The following PTPRU variants were observed in gnomAD, a reference collection of about 807,000 sequenced individuals.
PTPRU encodes the protein receptor-type tyrosine-protein phosphatase U.
Under a neutral mutation model 166.3 loss-of-function variants are expected in PTPRU, and 69 were observed. The observed-to-expected ratio is 0.41, with a 90% CI of 0.34 to 0.51. The LOEUF (loss-of-function observed/expected upper bound fraction) is 0.51, where lower values mean the gene tolerates loss of function less well. Among genes scored for constraint, PTPRU ranks in the 20% least tolerant of loss-of-function variants. PTPRU has a pLI of 0.09. For synonymous variants in PTPRU, 793 were observed against 814.0 expected, an observed-to-expected ratio of 0.97 and a Z score of 0.44; for missense variants, 1,657 against 2,013.7, an observed-to-expected ratio of 0.82 and a Z score of 3.39.
At chr1:29,318,519 C>T (rs933149224) in intron 25 of PTPRU, among the ~76,000 whole-genome samples, 2 of 152,198 alleles carry the variant, frequency 1.3e-5, no homozygotes, top group Non-Finnish European at 2.9e-5. Flanking sequence ...CTGTCTGAGG[C>T]GGGAAGGGTC....
chr1:29,301,978 T>C (rs1342997772), intron 15 of PTPRU, among the ~76,000 whole-genome samples: 2 of 152,194 alleles, frequency 1.3e-5, no homozygotes, highest in Non-Finnish European at 1.5e-5. Flanking sequence ...TAATCCAGTC[T>C]ATCACTGATG....
intron 14 of PTPRU, among the ~76,000 whole-genome samples, chr1:29,286,798 C>T (rs1686371074): frequency 1.3e-5 from 2 of 152,108 alleles, no homozygotes; most frequent in Admixed American, 1.3e-4. Context: ...ACTGGGAAAC[C>T]TTCCATTATG....
chr1:29,298,141 C>T (rs551841778), intron 15 of PTPRU, among the ~76,000 whole-genome samples: 7 of 152,110 alleles, frequency 4.6e-5, no homozygotes, highest in Non-Finnish European at 8.8e-5. Context: ...ACCTGTAATC[C>T]CAGCTACTTG....
chr1:29,274,653 A>T (rs988870625), intron 7 of PTPRU, among the ~76,000 whole-genome samples: 1 of 152,202 alleles, frequency 6.6e-6, no homozygotes, highest in Non-Finnish European at 1.5e-5. Context: ...TTTCAGAACA[A>T]GTTTGGAATT....
At chr1:29,307,013 C>A in intron 18 of PTPRU, 2 of 1,201,134 alleles carry the variant, frequency 1.7e-6, no homozygotes, top group Non-Finnish European at 2.4e-6. Flanking sequence ...TCCGCTCTGC[C>A]TGCCCTGCTC....
Position 29,279,686 on chromosome 1 carries a change from C to G in PTPRU, c.1765+29C>G, listed in dbSNP as rs549988216. On this transcript the variant is annotated intron_variant, in intron 10 of 29. Coordinates refer to ENST00000373779, the MANE Select transcript of PTPRU (RefSeq NM_133178.4). This position sits in a 1 kb window ranked among gnomAD's most constrained non-coding sequence, Gnocchi z 5.2. ...AGCCCCACCTGACCCGGCCCAGCCTCTTCGGAGGTGGCCCAGAATCCCAGG... is the reference window on the plus strand; with the variant it reads ...AGCCCCACCTGACCCGGCCCAGCCTGTTCGGAGGTGGCCCAGAATCCCAGG... 1.2e-6 allele frequency: 2 copies of G among 1,602,616 alleles called. No homozygotes were observed. The highest frequency in any genetic ancestry group is 2.7e-5 in the African/African-American group (2 of 74,926).
chr1:29,243,702 G>A (rs1275660218), intron 1 of PTPRU, among the ~76,000 whole-genome samples: 1 of 152,238 alleles, frequency 6.6e-6, no homozygotes, highest in Admixed American at 6.5e-5. Flanking sequence ...TAGGCTGGGA[G>A]CCCCCAGGGG....
At chr1:29,314,739 G>A (rs970233324) in intron 22 of PTPRU, among the ~76,000 whole-genome samples, 1 of 151,972 alleles carries the variant, frequency 6.6e-6, no homozygotes, top group African/African-American at 2.4e-5. Flanking sequence ...CACCACACCC[G>A]GCTATTTTTT....
intron 15 of PTPRU, 148 bp downstream of exon 15, chr1:29,292,174 G>A: frequency 9.1e-7 from 1 of 1,098,326 alleles, no homozygotes; most frequent in Admixed American, 2.8e-5. Flanking sequence ...TCTGGATATA[G>A]AGCCAGCACA....
Position 29,237,783 on chromosome 1 carries a change from G to C in PTPRU, c.73+1066G>C, listed in dbSNP as rs1683841445. 1.4e-5 allele frequency among the ~76,000 whole-genome samples: 2 copies of C among 147,196 alleles called. No individual in the cohort carries two copies. Among genetic ancestry groups the C allele is most frequent in the Non-Finnish European group, 3.0e-5 (2 of 66,248 alleles). ...CCGGGGCTGCGGGGCGCCCGGGCCA[G>C]CGGGCCCCAGCGAGGGGCCGGCGGG... On this transcript the variant is annotated intron_variant, in intron 1 of 29. Coordinates refer to ENST00000373779, the MANE Select transcript of PTPRU (RefSeq NM_133178.4). The surrounding 1 kb of genome is among the most constrained non-coding windows in gnomAD (Gnocchi z 6.4).
chr1:29,240,084 C>A (rs112862689), intron 1 of PTPRU, among the ~76,000 whole-genome samples: 4,161 of 152,274 alleles, frequency 0.027, 95 homozygotes, highest in Middle Eastern at 0.061. Context: ...CTCTCTGGGC[C>A]TTTGGGCAAG....
Position 29,260,702 on chromosome 1 carries a change from G to A in PTPRU, c.943G>A (p.Gly315Arg), listed in dbSNP as rs755590386. 1 of 1,589,650 alleles carries A rather than the reference G, an allele frequency of 6.3e-7. No individual in the cohort carries two copies. The highest frequency in any genetic ancestry group is 1.1e-5 in the South Asian group (1 of 88,428). ...QLNTNSIIGD[G>R]PIVRKEIEYR... ...CAACACCAACTCCATCATTGGCGAC[G>A]GGCCGATCGTGCGCAAGGAGATTGA... The change falls in exon 7 of 30, where the codon GGG (glycine) becomes AGG (arginine). Residue 315 changes from glycine (G) to arginine (R), a missense_variant. Gly to Arg is a moderately radical substitution (Grantham distance 125). Coordinates refer to ENST00000373779, the MANE Select transcript of PTPRU (RefSeq NM_133178.4). The surrounding 1 kb of genome is among the most constrained non-coding windows in gnomAD (Gnocchi z 8.3).
Position 29,275,563 on chromosome 1 carries a change from G to A in PTPRU, c.1260G>A (p.Ser420=), listed in dbSNP as rs777157836. 3.7e-6 allele frequency: 6 copies of A among 1,614,154 alleles called. No individual in the cohort carries two copies. The highest frequency in any genetic ancestry group is 2.2e-5 in the East Asian group (1 of 44,884). The change falls in exon 8 of 30, where the codon TCG becomes TCA. Residue 420 remains serine, a synonymous_variant. Transcript: ENST00000373779. ...CGCGTTGCCACACCTATACTGTGTC[G>A]CTGTGCTATCACTACACCCTGGGCA... The part of the protein sequence containing the change: ...NVTRCHTYTV[S]LCYHYTLGSS...
chr1:29,236,839 G>A lies in PTPRU; in HGVS notation c.73+122G>A, dbSNP rs549330868. 1 of 978,966 alleles carries A rather than the reference G, an allele frequency of 1.0e-6. No individual in the cohort carries two copies. The highest frequency in any genetic ancestry group is 4.4e-5 in the Admixed American group (1 of 22,922). 60.6% of individuals were successfully genotyped at this position (978,966 alleles called of 1,614,324 possible). On this transcript the variant is annotated intron_variant, in intron 1 of 29. Coordinates refer to ENST00000373779, the MANE Select transcript of PTPRU (RefSeq NM_133178.4). This position sits in a 1 kb window ranked among gnomAD's most constrained non-coding sequence, Gnocchi z 4.6. ...ACGAGCGTGCTCCCTGTGTGTGTCT[G>A]AGCGTAGGATGGGCGATTGTGTGCC...
At chr1:29,298,276 CAAAAAA>C (rs35978871) in intron 15 of PTPRU, among the ~76,000 whole-genome samples, 1 of 139,012 alleles carries the variant, frequency 7.2e-6, no homozygotes, top group Admixed American at 7.1e-5. Flanking sequence ...AAAAAAAAGA[CAAAAAA>C]AAAAAAACCA....
chr1:29,256,963 C>G (rs77736702), intron 2 of PTPRU, among the ~76,000 whole-genome samples: 1,762 of 152,230 alleles, frequency 0.012, 33 homozygotes, highest in African/African-American at 0.04. Flanking sequence ...GCCAGATGGA[C>G]AGTCTTTGTC....
intron 1 of PTPRU, among the ~76,000 whole-genome samples, chr1:29,242,324 A>G (rs536173281): frequency 6.6e-6 from 1 of 152,064 alleles, no homozygotes; most frequent in South Asian, 2.1e-4. Flanking sequence ...ACCCAACTCA[A>G]CCTCTGGTAG....
chr1:29,296,404 C>CTA lies in PTPRU; in HGVS notation c.2476+4379_2476+4380dup, dbSNP rs1312891490. Among the ~76,000 whole-genome samples, 5 of 151,726 alleles carry CTA rather than the reference C, an allele frequency of 3.3e-5. No individual in the cohort carries two copies. The East Asian group carries it at 9.6e-4, about 29-fold the overall frequency. On this transcript the variant is annotated intron_variant, in intron 15 of 29. Transcript: ENST00000373779. ...TAATTATTTTTTCCCCTTTTGTCTG[C>CTA]TAATGGGATGAGTGACATTTTTAGA...
At chr1:29,292,605 C>A (rs1686690804) in intron 15 of PTPRU, among the ~76,000 whole-genome samples, 1 of 152,108 alleles carries the variant, frequency 6.6e-6, no homozygotes. Context: ...AGGTCTGTGT[C>A]ATAACTTGCT....
Sources: gnomAD v4.1 joint callset for allele counts (sites outside exome capture counted in the v4.1 genomes callset) on GRCh38, gnomAD v4.1.1 for gene constraint, Gnocchi (gnomAD v3.1) non-coding constraint, MANE v1.5 for transcripts, NCBI Gene and HGNC (gene_info 2026-07-23, HGNC 2026-07-21) for gene names.